The following ATG2B variants were observed in gnomAD, a reference collection of about 807,000 sequenced individuals.
ATG2B encodes the protein autophagy-related protein 2 homolog B.
In ATG2B, 121 loss-of-function variants were observed where a neutral mutation model predicts 241.3. The ratio of observed to expected loss-of-function variants is 0.50; its 90% confidence interval spans 0.43 to 0.58. ATG2B has a LOEUF of 0.58. Among genes scored for constraint, ATG2B ranks in the 20% least tolerant of loss-of-function variants. The probability of loss-of-function intolerance (pLI) is 0.00; values close to 1 mark genes in which losing one functional copy is unlikely to be tolerated. For synonymous variants in ATG2B, 858 were observed against 876.6 expected, an observed-to-expected ratio of 0.98 and a Z score of 0.37; for missense variants, 2,306 against 2,491.6, an observed-to-expected ratio of 0.93 and a Z score of 1.59.
At position 96,309,605 on chromosome 14, in the gene ATG2B, A is replaced by G. The variant is rs769714279; in HGVS notation, c.4162-11T>C. 1 of 1,586,778 alleles carries G rather than the reference A, an allele frequency of 6.3e-7. No homozygotes were observed. Among genetic ancestry groups the G allele is most frequent in the Non-Finnish European group, 8.6e-7 (1 of 1,166,232 alleles). The stretch of plus-strand genomic sequence containing the variant: ...ACCACTGGAATCTACCTATAGCCAA[A>G]AAACCTAATTAAAAATAACTGAAAA... On this transcript the variant is annotated splice_polypyrimidine_tract_variant and intron_variant, in intron 28 of 41. Coordinates refer to ENST00000359933, the MANE Select transcript of ATG2B (RefSeq NM_018036.7).
At chr14:96,317,601 G>T in intron 19 of ATG2B, 97 bp downstream of exon 19, 2 of 1,092,262 alleles carry the variant, frequency 1.8e-6, no homozygotes, top group Non-Finnish European at 2.6e-6. Flanking sequence ...TAGTTACAAT[G>T]AAACATAAAG....
In ATG2B at chr14:96,295,462, C is replaced by A. The variant is rs1438533241; in HGVS notation, c.5218+20G>T. The A allele has an allele frequency of 2.7e-6, 4 of 1,504,776 alleles. No homozygotes were observed. In the African/African-American group the frequency reaches 4.2e-5, roughly 16 times the overall value. 93.2% of individuals were successfully genotyped at this position (1,504,776 alleles called of 1,614,324 possible). On this transcript the variant is annotated intron_variant, in intron 35 of 41. Transcript: ENST00000359933. ...ATCCAAGTACTTGGTATAGTCTTTTCAACTATACATATTTAATACCTTCTG... is the reference window on the plus strand; with the variant it reads ...ATCCAAGTACTTGGTATAGTCTTTTAAACTATACATATTTAATACCTTCTG...
intron 6 of ATG2B, among the ~76,000 whole-genome samples, chr14:96,339,413 C>CAT (rs1280158235): frequency 2.0e-5 from 3 of 150,404 alleles, no homozygotes; most frequent in Non-Finnish European, 4.4e-5. Context: ...GTATGTGGTG[C>CAT]GTGTATATAT....
At chr14:96,306,635 C>A in intron 30 of ATG2B, 79 bp downstream of exon 30, 9 of 1,218,786 alleles carry the variant, frequency 7.4e-6, no homozygotes, top group East Asian at 2.6e-5. Context: ...ACAAAATCAA[C>A]AGAATTTTCT....
At chr14:96,288,168 G>A (rs918528982) in intron 41 of ATG2B, among the ~76,000 whole-genome samples, 4 of 151,970 alleles carry the variant, frequency 2.6e-5, no homozygotes, top group African/African-American at 9.7e-5. Context: ...CAAATACCCA[G>A]TTCCAATCCT....
intron 41 of ATG2B, among the ~76,000 whole-genome samples, chr14:96,288,425 A>G (rs1360861304): frequency 6.6e-6 from 1 of 152,210 alleles, no homozygotes; most frequent in Non-Finnish European, 1.5e-5. Context: ...TGTCTGTTTC[A>G]CAGATCTAAT....
At position 96,338,654 on chromosome 14, in the gene ATG2B, G is replaced by A. The variant is rs146564560; in HGVS notation, c.924+2868C>T. ...AAGAATCAACTCAAGATGGACCAAA[G>A]ATGTAAATATAAGACTTGAAACCAT... On this transcript the variant is annotated intron_variant, in intron 6 of 41. Transcript: ENST00000359933. 9.5e-4 allele frequency among the ~76,000 whole-genome samples: 145 copies of A among 152,196 alleles called. 1 individual carries two copies. Among genetic ancestry groups the A allele is most frequent in the African/African-American group, 3.3e-3 (137 of 41,536 alleles).
chr14:96,323,127 C>CA (rs1226018362), intron 16 of ATG2B, among the ~76,000 whole-genome samples: 1 of 152,142 alleles, frequency 6.6e-6, no homozygotes, highest in East Asian at 1.9e-4. Context: ...ATATCAACCT[C>CA]ATATTATATC....
In ATG2B at chr14:96,280,152, C is replaced by T. The variant is rs1886160204; in HGVS notation, c.*5603G>A. The T allele has an allele frequency of 6.6e-6, 1 of 152,256 alleles. No individual in the cohort carries two copies. Among genetic ancestry groups the T allele is most frequent in the African/African-American group, 2.4e-5 (1 of 41,454 alleles). 9.4% of individuals were successfully genotyped at this position (152,256 alleles called of 1,614,324 possible). A position where few individuals can be genotyped will look rare whatever the true frequency, so the allele number is the denominator to read the frequency against. ...GGGGCTGGAGACGCCAGGAAGAGATCAAGCACATTTTCTTGCTCAAATATT... is the reference window on the plus strand; with the variant it reads ...GGGGCTGGAGACGCCAGGAAGAGATTAAGCACATTTTCTTGCTCAAATATT... On this transcript the variant is annotated 3_prime_UTR_variant, in exon 42 of 42. Coordinates refer to ENST00000359933, the MANE Select transcript of ATG2B (RefSeq NM_018036.7).
intron 1 of ATG2B, 95 bp from the exon 2 acceptor site, chr14:96,347,436 G>C: frequency 1.1e-6 from 1 of 921,116 alleles, no homozygotes; most frequent in Non-Finnish European, 1.6e-6. Context: ...ACACATGTTA[G>C]GCACTAGGTA....
At chr14:96,339,468 T>C (rs1887955417) in intron 6 of ATG2B, among the ~76,000 whole-genome samples, 1 of 151,952 alleles carries the variant, frequency 6.6e-6, no homozygotes, top group South Asian at 2.1e-4. Flanking sequence ...CACATACACA[T>C]ATACACCACA....
intron 1 of ATG2B, among the ~76,000 whole-genome samples, chr14:96,351,459 G>A (rs1170144230): frequency 6.6e-6 from 1 of 152,152 alleles, no homozygotes; most frequent in Non-Finnish European, 1.5e-5. Context: ...AAATTGGCCA[G>A]GCGCAGTGGC....
chr14:96,319,073 G>C (rs936882997), intron 18 of ATG2B, among the ~76,000 whole-genome samples: 17 of 152,276 alleles, frequency 1.1e-4, no homozygotes, highest in Admixed American at 1.0e-3. Context: ...TGTGAATACC[G>C]GTCAAGGCGC....
chr14:96,292,045 T>C lies in ATG2B; in HGVS notation c.5480A>G (p.His1827Arg). ...TTTCCCAACCTGATCCATTGATACA[T>C]GTTTGCCATGATAATCAAGTCGAAT... Reference protein sequence around the residue: ...VPIRLDYHGKHVSMDQGTLAG... With the variant: ...VPIRLDYHGKRVSMDQGTLAG... The change falls in exon 37 of 42, where the codon CAT becomes CGT. Residue 1827 changes from histidine (H) to arginine (R), a missense_variant. This residue lies in a region of ATG2B where 379 missense variants were observed against 480.4 expected (regional missense o/e 0.79). Transcript: ENST00000359933. The C allele has an allele frequency of 6.3e-7, 1 of 1,599,352 alleles. No individual in the cohort carries two copies. The highest frequency in any genetic ancestry group is 8.5e-7 in the Non-Finnish European group (1 of 1,172,444).
chr14:96,340,268 C>A (rs895899989), intron 6 of ATG2B, among the ~76,000 whole-genome samples: 2 of 144,136 alleles, frequency 1.4e-5, no homozygotes, highest in Admixed American at 7.1e-5. Context: ...ATATATGGAC[C>A]CATATATGGA....
intron 35 of ATG2B, 78 bp from the exon 36 acceptor site, chr14:96,295,245 T>C: frequency 7.6e-7 from 1 of 1,319,418 alleles, no homozygotes; most frequent in Non-Finnish European, 1.1e-6. Flanking sequence ...TTGATCTAAT[T>C]TGTTTTTCTA....
intron 6 of ATG2B, among the ~76,000 whole-genome samples, chr14:96,336,334 C>T (rs1887867746): frequency 1.3e-5 from 2 of 152,120 alleles, no homozygotes. Flanking sequence ...AAATCCAGAA[C>T]TTGTCTTTTT....
intron 23 of ATG2B, among the ~76,000 whole-genome samples, chr14:96,314,086 T>G (rs1887237654): frequency 6.6e-6 from 1 of 152,224 alleles, no homozygotes; most frequent in Admixed American, 6.5e-5. Context: ...AAGGAGGTTC[T>G]GCTAAATGTC....
Position 96,348,093 on chromosome 14 carries a change from T to C in ATG2B, c.163-752A>G, listed in dbSNP as rs899417698. On this transcript the variant is annotated intron_variant, in intron 1 of 41. Transcript: ENST00000359933. ...GATTTGGAAGCAACCTAAGTGTCCATTAACAGATGAATGGATAAAGAAAAT... is the reference window on the plus strand; with the variant it reads ...GATTTGGAAGCAACCTAAGTGTCCACTAACAGATGAATGGATAAAGAAAAT... Among the ~76,000 whole-genome samples, 4 of 152,170 alleles carry C rather than the reference T, an allele frequency of 2.6e-5. No individual in the cohort carries two copies. In the South Asian group the frequency reaches 6.2e-4, roughly 24 times the overall value.
Sources: allele counts gnomAD v4.1 joint callset (sites outside exome capture counted in the v4.1 genomes callset), GRCh38; gene constraint gnomAD v4.1.1; regional missense constraint gnomAD v4.1.1; transcripts MANE v1.5; gene names NCBI Gene and HGNC (gene_info 2026-07-23, HGNC 2026-07-21).